The following ANKS1B variants were observed in gnomAD, a reference collection of about 807,000 sequenced individuals.
The protein encoded by ANKS1B is ankyrin repeat and sterile alpha motif domain containing 1B, also known as ankyrin repeat and sterile alpha motif domain-containing protein 1B.
A neutral mutation model predicts 148.3 loss-of-function variants in ANKS1B; 36 were observed. The observed-to-expected ratio is 0.24, with a 90% CI of 0.19 to 0.32. The LOEUF (loss-of-function observed/expected upper bound fraction) is 0.32, where lower values mean the gene tolerates loss of function less well. ANKS1B is among the 10% of genes least tolerant of loss of function. ANKS1B has a pLI of 1.00. For synonymous variants in ANKS1B, 542 were observed against 560.8 expected (o/e 0.97, Z 0.47); for missense variants, 1,157 against 1,542.6 (o/e 0.75, Z 4.19).
intron 12 of ANKS1B, among the ~76,000 whole-genome samples, chr12:99,298,020 GA>G (rs757650396): frequency 2.0e-5 from 3 of 151,960 alleles, no homozygotes; most frequent in Non-Finnish European, 4.4e-5. Flanking sequence ...GCATTAGACA[GA>G]AACAATTTGA....
chr12:99,247,685 A>G (rs566229693), intron 12 of ANKS1B, among the ~76,000 whole-genome samples: 45 of 152,310 alleles, frequency 3.0e-4, no homozygotes, highest in African/African-American at 1.1e-3. Context: ...ATTTTCTCTG[A>G]GATTTAAAAT....
At chr12:99,907,599 G>A (rs868333169) in intron 1 of ANKS1B, among the ~76,000 whole-genome samples, 1 of 151,960 alleles carries the variant, frequency 6.6e-6, no homozygotes, top group Non-Finnish European at 1.5e-5. Flanking sequence ...CTTCATAACC[G>A]TCAGCAGGGA....
chr12:98,744,948 G>A lies in ANKS1B; in HGVS notation c.*791C>T, dbSNP rs1241109760. The A allele has an allele frequency of 3.0e-6, 3 of 985,684 alleles. No individual in the cohort carries two copies. The highest frequency in any genetic ancestry group is 3.6e-6 in the Non-Finnish European group (3 of 829,922). 61.1% of individuals were successfully genotyped at this position (985,684 alleles called of 1,614,324 possible). A position where few individuals can be genotyped will look rare whatever the true frequency, so the allele number is the denominator to read the frequency against. On this transcript the variant is annotated 3_prime_UTR_variant, in exon 27 of 27. Transcript: ENST00000683438. ...TGAGCCAGTCCTCTTGGTAGTAGCA[G>A]TAGAAATTTAATTATTTGAAATGAA...
chr12:99,023,271 T>G (rs1370723716), intron 17 of ANKS1B, among the ~76,000 whole-genome samples: 1 of 152,198 alleles, frequency 6.6e-6, no homozygotes, highest in Non-Finnish European at 1.5e-5. Context: ...TCTCACTTTT[T>G]CCTTTGAGTT....
chr12:99,614,625 T>C (rs921482736), intron 9 of ANKS1B, among the ~76,000 whole-genome samples: 4 of 152,040 alleles, frequency 2.6e-5, no homozygotes, highest in African/African-American at 7.2e-5. Flanking sequence ...ACTGTTCCTA[T>C]ACAAATGCAC....
At chr12:98,947,672 C>T (rs755546364) in intron 17 of ANKS1B, among the ~76,000 whole-genome samples, 1 of 152,190 alleles carries the variant, frequency 6.6e-6, no homozygotes, top group Admixed American at 6.5e-5. Context: ...TTTTCCTTGG[C>T]TGCCTTTTAA....
intron 8 of ANKS1B, among the ~76,000 whole-genome samples, chr12:99,746,428 T>C (rs1365012092): frequency 5.9e-5 from 9 of 152,170 alleles, no homozygotes; most frequent in African/African-American, 2.2e-4. Context: ...GTCAACTCTT[T>C]TGCAGTTTTC....
At position 99,741,674 on chromosome 12, in the gene ANKS1B, T is replaced by A. The variant is rs559524694; in HGVS notation, c.1128+31248A>T. Among the ~76,000 whole-genome samples, 4 of 152,012 alleles carry A rather than the reference T, an allele frequency of 2.6e-5. No homozygotes were observed. The East Asian group carries it at 7.8e-4, about 30-fold the overall frequency. ...AAAACCAAACACCGCATGTTCTCAC[T>A]CATAAGTGGAAGTTGAACAATGAGA... is the stretch of plus-strand genomic sequence containing the variant. On this transcript the variant is annotated intron_variant, in intron 8 of 26. Transcript: ENST00000683438.
chr12:99,234,016 A>G (rs978056704), intron 14 of ANKS1B, among the ~76,000 whole-genome samples: 1 of 152,146 alleles, frequency 6.6e-6, no homozygotes, highest in Non-Finnish European at 1.5e-5. Flanking sequence ...TTGATCCTTC[A>G]TCTCCATTGC....
chr12:99,473,860 A>AT (rs2096277469), intron 10 of ANKS1B, among the ~76,000 whole-genome samples: 1 of 152,032 alleles, frequency 6.6e-6, no homozygotes, highest in Non-Finnish European at 1.5e-5. Flanking sequence ...TTTTAAAAGT[A>AT]TTTTGTGACA....
In ANKS1B at chr12:99,379,517, A is replaced by C. The variant is rs541662325; in HGVS notation, c.1756+20114T>G. On this transcript the variant is annotated intron_variant, in intron 12 of 26. Coordinates refer to ENST00000683438, the MANE Select transcript of ANKS1B (RefSeq NM_001352186.2). ...ATAATTATAGAGATAATTTACCTACAAAAATCTAATTGACAATGATGACTT... is the reference window on the plus strand; with the variant it reads ...ATAATTATAGAGATAATTTACCTACCAAAATCTAATTGACAATGATGACTT... 4.6e-5 allele frequency among the ~76,000 whole-genome samples: 7 copies of C among 152,372 alleles called. No homozygotes were observed. In the South Asian group the frequency reaches 1.5e-3, roughly 32 times the overall value.
intron 9 of ANKS1B, among the ~76,000 whole-genome samples, chr12:99,633,560 C>G (rs2098196579): frequency 6.6e-6 from 1 of 152,152 alleles, no homozygotes; most frequent in Non-Finnish European, 1.5e-5. Context: ...CAATACCATT[C>G]AGGACATAGG....
intron 8 of ANKS1B, among the ~76,000 whole-genome samples, chr12:99,756,132 T>C (rs910253051): frequency 6.6e-6 from 1 of 151,770 alleles, no homozygotes; most frequent in African/African-American, 2.4e-5. Context: ...AGCATTTGAA[T>C]AGGAAGAGAG....
intron 8 of ANKS1B, among the ~76,000 whole-genome samples, chr12:99,761,424 A>C (rs2062105848): frequency 6.6e-6 from 1 of 152,132 alleles, no homozygotes; most frequent in South Asian, 2.1e-4. Flanking sequence ...TTACCACATA[A>C]GCAGATTTAA....
chr12:98,840,006 C>A (rs1320701247), intron 17 of ANKS1B, among the ~76,000 whole-genome samples: 1 of 152,104 alleles, frequency 6.6e-6, no homozygotes, highest in Non-Finnish European at 1.5e-5. Context: ...TCTCAGGGTC[C>A]CTGAATGCAT....
intron 15 of ANKS1B, among the ~76,000 whole-genome samples, chr12:99,110,581 C>T (rs1039221348): frequency 3.3e-5 from 5 of 152,056 alleles, no homozygotes; most frequent in Non-Finnish European, 5.9e-5. Context: ...GCCACTAGGT[C>T]GAGCTTAAAA....
intron 15 of ANKS1B, among the ~76,000 whole-genome samples, chr12:99,153,487 G>A (rs1004846874): frequency 2.6e-5 from 4 of 152,132 alleles, no homozygotes; most frequent in African/African-American, 4.8e-5. Flanking sequence ...GATGAGCACT[G>A]GGGGAGGTAT....
chr12:99,145,865 G>C (rs1407199730), intron 15 of ANKS1B, among the ~76,000 whole-genome samples: 1 of 152,052 alleles, frequency 6.6e-6, no homozygotes, highest in Middle Eastern at 3.4e-3. Context: ...ACCTTGTTGA[G>C]TTTCATCCTC....
chr12:99,421,058 T>C (rs1392325902), intron 11 of ANKS1B, among the ~76,000 whole-genome samples: 1 of 152,196 alleles, frequency 6.6e-6, no homozygotes, highest in Non-Finnish European at 1.5e-5. Context: ...CACAGAATTA[T>C]TGTCTGGATT....
Sources: gnomAD v4.1 joint callset for allele counts (sites outside exome capture counted in the v4.1 genomes callset) on GRCh38, gnomAD v4.1.1 for gene constraint, MANE v1.5 for transcripts, NCBI Gene and HGNC (gene_info 2026-07-23, HGNC 2026-07-21) for gene names.